The following MAGI1 variants were observed in gnomAD, a reference collection of about 807,000 sequenced individuals.
MAGI1 encodes the protein membrane associated guanylate kinase, WW and PDZ domain containing 1.
Under a neutral mutation model 139.9 loss-of-function variants are expected in MAGI1, and 58 were observed. The observed-to-expected ratio is 0.41, with a 90% confidence interval of 0.34 to 0.52. The LOEUF is 0.52. MAGI1 is among the 20% of genes least tolerant of loss of function. MAGI1 has a pLI of 0.12. For synonymous variants in MAGI1, 812 were observed against 737.9 expected (o/e 1.10, Z -1.63); for missense variants, 1,874 against 1,901.6 (o/e 0.99, Z 0.27).
At chr3:65,839,683 G>A (rs1348062455) in intron 1 of MAGI1, among the ~76,000 whole-genome samples, 2 of 152,176 alleles carry the variant, frequency 1.3e-5, no homozygotes, top group African/African-American at 4.8e-5. Context: ...TCAGGACATA[G>A]GGCGTGGAGA....
intron 1 of MAGI1, among the ~76,000 whole-genome samples, chr3:65,955,556 A>G (rs1379608234): frequency 6.6e-6 from 1 of 152,148 alleles, no homozygotes; most frequent in Non-Finnish European, 1.5e-5. Context: ...TATCTATTCT[A>G]AGGCTCAGGA....
chr3:65,495,939 A>C (rs1469196648), intron 2 of MAGI1, among the ~76,000 whole-genome samples: 1 of 152,202 alleles, frequency 6.6e-6, no homozygotes, highest in Non-Finnish European at 1.5e-5. Flanking sequence ...GCAAGCGGCA[A>C]GATTACGTAG....
intron 9 of MAGI1, among the ~76,000 whole-genome samples, chr3:65,439,226 A>G (rs1429376483): frequency 6.6e-6 from 1 of 152,212 alleles, no homozygotes; most frequent in Non-Finnish European, 1.5e-5. Context: ...TAATATGTGC[A>G]AGAAATAAAA....
chr3:65,719,984 G>T (rs2032808802), intron 1 of MAGI1: 1 of 152,132 alleles, frequency 6.6e-6, no homozygotes, highest in African/African-American at 2.4e-5. Flanking sequence ...CTCTTACCCT[G>T]ACAGGTAGCG....
At chr3:65,596,327 C>T (rs1373771832) in intron 2 of MAGI1, among the ~76,000 whole-genome samples, 1 of 152,062 alleles carries the variant, frequency 6.6e-6, no homozygotes, top group Non-Finnish European at 1.5e-5. Context: ...TACTGAAACC[C>T]CCAACAAATG....
At chr3:65,407,522 C>A (rs529259167) in intron 12 of MAGI1, among the ~76,000 whole-genome samples, 1 of 150,558 alleles carries the variant, frequency 6.6e-6, no homozygotes, top group African/African-American at 2.4e-5. Context: ...TATATCAATA[C>A]GATGAAAAAT....
At chr3:65,477,711 A>ATTATTATT (rs376492339) in intron 4 of MAGI1, among the ~76,000 whole-genome samples, 206 of 141,606 alleles carry the variant, frequency 1.5e-3, no homozygotes, top group East Asian at 9.3e-3. Flanking sequence ...TATTATTATT[A>ATTATTATT]TTTTTTTTTT....
At chr3:66,031,729 G>T (rs1036972758) in intron 1 of MAGI1, among the ~76,000 whole-genome samples, 3 of 151,692 alleles carry the variant, frequency 2.0e-5, no homozygotes, top group East Asian at 3.9e-4. Context: ...ATTTAAGAGC[G>T]AGAGGGCTAA....
intron 1 of MAGI1, among the ~76,000 whole-genome samples, chr3:65,780,415 AG>A (rs1189289846): frequency 2.6e-5 from 4 of 152,234 alleles, no homozygotes; most frequent in Non-Finnish European, 5.9e-5. Flanking sequence ...AAAGCACTGA[AG>A]AAGATTTAAA....
chr3:65,798,091 G>A (rs1267905709), intron 1 of MAGI1, among the ~76,000 whole-genome samples: 1 of 152,098 alleles, frequency 6.6e-6, no homozygotes, highest in African/African-American at 2.4e-5. Flanking sequence ...AGATCACGAG[G>A]TCAAGAGATG....
intron 4 of MAGI1, among the ~76,000 whole-genome samples, chr3:65,473,261 A>G (rs55740341): frequency 0.58 from 88,645 of 152,050 alleles, 26,621 homozygotes; most frequent in East Asian, 0.95. Flanking sequence ...TATAACATCA[A>G]ACCACAGATT....
chr3:66,011,707 C>T (rs1321698685), intron 1 of MAGI1, among the ~76,000 whole-genome samples: 1 of 152,094 alleles, frequency 6.6e-6, no homozygotes, highest in Non-Finnish European at 1.5e-5. Flanking sequence ...GAGACGACTT[C>T]ACAGCCTAAC....
At chr3:65,992,022 A>C (rs1293985553) in intron 1 of MAGI1, among the ~76,000 whole-genome samples, 1 of 152,140 alleles carries the variant, frequency 6.6e-6, no homozygotes, top group Non-Finnish European at 1.5e-5. Context: ...TCTCAAAATA[A>C]ATAAATAAAA....
At chr3:65,883,709 C>A (rs1009938228) in intron 1 of MAGI1, among the ~76,000 whole-genome samples, 2 of 152,232 alleles carry the variant, frequency 1.3e-5, no homozygotes, top group African/African-American at 2.4e-5. Context: ...CACTGCATTT[C>A]CCACTGTTCT....
intron 1 of MAGI1, among the ~76,000 whole-genome samples, chr3:65,698,617 C>G (rs1337787433): frequency 6.6e-6 from 1 of 152,062 alleles, no homozygotes; most frequent in African/African-American, 2.4e-5. Flanking sequence ...GAAAAACAAG[C>G]AATTGGGAAA....
At chr3:65,796,467 T>TTTCA (rs1216258631) in intron 1 of MAGI1, among the ~76,000 whole-genome samples, 1 of 152,146 alleles carries the variant, frequency 6.6e-6, no homozygotes, top group East Asian at 1.9e-4. Flanking sequence ...ACAGCTGCTG[T>TTTCA]TTCATCTCTT....
intron 2 of MAGI1, among the ~76,000 whole-genome samples, chr3:65,520,100 G>A (rs924617383): frequency 6.6e-6 from 1 of 152,142 alleles, no homozygotes; most frequent in African/African-American, 2.4e-5. Flanking sequence ...TCTTAGAAGT[G>A]GACTGGCTAG....
intron 1 of MAGI1, among the ~76,000 whole-genome samples, chr3:65,707,689 C>CAA (rs57489811): frequency 0.031 from 2,713 of 87,992 alleles, 53 homozygotes; most frequent in Non-Finnish European, 0.043. Context: ...TACCCTATCT[C>CAA]AAAAAAAAAA....
At chr3:65,927,600 A>C (rs1486569455) in intron 1 of MAGI1, among the ~76,000 whole-genome samples, 2 of 152,224 alleles carry the variant, frequency 1.3e-5, no homozygotes, top group Admixed American at 1.3e-4. Context: ...GGTTTTTTAC[A>C]TAATGAGAAA....
Sources: allele counts gnomAD v4.1 joint callset (sites outside exome capture counted in the v4.1 genomes callset), GRCh38; gene constraint gnomAD v4.1.1; transcripts MANE v1.5; gene names NCBI Gene and HGNC (gene_info 2026-07-23, HGNC 2026-07-21).